FRYL: variants seen among roughly 807,000 people sequenced by gnomAD.
FRYL encodes the protein FRY like transcription coactivator.
In FRYL, 150 loss-of-function variants were observed where a neutral mutation model predicts 351.2. The observed-to-expected ratio is 0.43, with a 90% CI of 0.37 to 0.49. The LOEUF is 0.49. FRYL is among the 20% of genes least tolerant of loss of function. FRYL has a pLI of 0.00. For missense variants in FRYL, 3,036 were observed against 3,619.3 expected (o/e 0.84, Z 4.13); for synonymous variants, 1,153 against 1,257.1 (o/e 0.92, Z 1.75).
chr4:48,531,055 C>G (rs1280757537), intron 50 of FRYL, 101 bp downstream of exon 50: 38 of 802,052 alleles, frequency 4.7e-5, no homozygotes, highest in Non-Finnish European at 2.1e-6. Flanking sequence ...TTGTCTAACA[C>G]TGGGTATGAG....
intron 3 of FRYL, among the ~76,000 whole-genome samples, chr4:48,651,641 A>G (rs1168867514): frequency 2.6e-5 from 4 of 152,178 alleles, no homozygotes; most frequent in Non-Finnish European, 4.4e-5. Flanking sequence ...TTATACTTCT[A>G]TCTGCCACAG....
chr4:48,556,929 T>C, intron 35 of FRYL, 49 bp downstream of exon 35: 1 of 1,439,540 alleles, frequency 6.9e-7, no homozygotes, highest in Middle Eastern at 1.9e-4. Context: ...CACAAGATAC[T>C]AGTAAATATA....
intron 41 of FRYL, 200 bp from the exon 42 acceptor site, chr4:48,546,471 C>T: frequency 1.7e-6 from 1 of 582,450 alleles, no homozygotes; most frequent in Admixed American, 3.0e-5. Context: ...CATTGTTTCA[C>T]AGCTTGAAAA....
chr4:48,692,943 T>C (rs1765807691), intron 2 of FRYL, among the ~76,000 whole-genome samples: 1 of 152,230 alleles, frequency 6.6e-6, no homozygotes, highest in African/African-American at 2.4e-5. Context: ...ATTGGCAATC[T>C]TTGTACACAT....
chr4:48,681,114 T>C, intron 3 of FRYL: 1 of 1,244,848 alleles, frequency 8.0e-7, no homozygotes, highest in Non-Finnish European at 1.0e-6. Context: ...CAACTCTCTT[T>C]AAAAAATCCA....
chr4:48,524,266 C>G (rs1264124364), intron 53 of FRYL, among the ~76,000 whole-genome samples: 1 of 151,714 alleles, frequency 6.6e-6, no homozygotes, highest in East Asian at 1.9e-4. Flanking sequence ...AAAACCAGAG[C>G]TGCTCTGGTT....
chr4:48,599,702 C>G (rs1200552360), intron 13 of FRYL, among the ~76,000 whole-genome samples: 2 of 152,172 alleles, frequency 1.3e-5, no homozygotes, highest in African/African-American at 4.8e-5. Context: ...GCTCCCGAAA[C>G]ACGGGTTACT....
At position 48,510,964 on chromosome 4, in the gene FRYL, T is replaced by G; in HGVS notation, c.8166A>C (p.Gly2722=). Residue 2722 remains glycine, a synonymous_variant, in exon 58 of 64, where the codon GGA becomes GGC. Transcript: ENST00000358350. Reference sequence around the variant, plus strand: ...AGCTGACTGCCTCATTAGTTATTTCTCCAAACTTTCTTTGAATTGTCTATG... The same window carrying G: ...AGCTGACTGCCTCATTAGTTATTTCGCCAAACTTTCTTTGAATTGTCTATG... ...RLFQTIQRKF[G]EITNEAVSFL... The G allele has an allele frequency of 6.2e-7, 1 of 1,611,740 alleles. No homozygotes were observed. Among genetic ancestry groups the G allele is most frequent in the Non-Finnish European group, 8.5e-7 (1 of 1,179,032 alleles).
chr4:48,575,828 G>A (rs1739483456), intron 24 of FRYL, among the ~76,000 whole-genome samples: 1 of 152,130 alleles, frequency 6.6e-6, no homozygotes, highest in African/African-American at 2.4e-5. Flanking sequence ...TCTTTCCAAT[G>A]GAAAACTATG....
At position 48,540,526 on chromosome 4, in the gene FRYL, C is replaced by G; in HGVS notation, c.6122G>C (p.Arg2041Pro). 6.2e-7 allele frequency: 1 copy of G among 1,613,980 alleles called. No individual in the cohort carries two copies. Among genetic ancestry groups the G allele is most frequent in the Non-Finnish European group, 8.5e-7 (1 of 1,179,936 alleles). The change falls in exon 46 of 64, where the codon CGA becomes CCA. Residue 2041 changes from arginine (R) to proline (P), a missense_variant. By Grantham distance (103) the Arg-to-Pro change is moderately radical. This residue lies in a region of FRYL where 1,987 missense variants were observed against 2,311.7 expected (regional missense o/e 0.86). Coordinates refer to ENST00000358350, the MANE Select transcript of FRYL (RefSeq NM_015030.2). ...IHLPLDKSES[R>P]EKIENVQSKL... The stretch of plus-strand genomic sequence containing the variant: ...GCTTTGTACATTTTCAATCTTCTCT[C>G]GACTCTCTGATTTATCCAAAGGCAA...
At chr4:48,673,074 A>T (rs1762981809) in intron 3 of FRYL, among the ~76,000 whole-genome samples, 1 of 152,232 alleles carries the variant, frequency 6.6e-6, no homozygotes, top group Non-Finnish European at 1.5e-5. Context: ...GGAGAGGTAT[A>T]CCAGTATACG....
rs748008804 is a variant in FRYL, at chr4:48,705,184, G to GC, written c.-204+5334dup. 8.2e-4 allele frequency among the ~76,000 whole-genome samples: 125 copies of GC among 151,966 alleles called. 1 individual carries two copies. Among genetic ancestry groups the GC allele is most frequent in the Middle Eastern group, 6.8e-3 (2 of 294 alleles). On this transcript the variant is annotated intron_variant, in intron 2 of 63. Transcript: ENST00000358350. The stretch of plus-strand genomic sequence containing the variant: ...CCTGCAATTCCACTTCTAAGAACCT[G>GC]CCCCAAACACAGTGGAAAGATATAA...
Position 48,606,479 on chromosome 4 carries a change from A to T in FRYL, c.700T>A (p.Tyr234Asn). 1 of 1,612,174 alleles carries T rather than the reference A, an allele frequency of 6.2e-7. No individual in the cohort carries two copies. The highest frequency in any genetic ancestry group is 8.5e-7 in the Non-Finnish European group (1 of 1,178,512). ...GATGCTTCAAAATCTTCTACAGGAT[A>T]CATTTTTACTCGAAAAAATTTCATT... ...MGMKFFRVKMYPVEDFEASFQ... is the reference protein window; with the variant it reads ...MGMKFFRVKMNPVEDFEASFQ... The change falls in exon 10 of 64, where the codon TAT (tyrosine) becomes AAT (asparagine). Residue 234 changes from tyrosine (Y) to asparagine (N), a missense_variant. This residue lies in a region of FRYL where 457 missense variants were observed against 566.6 expected (regional missense o/e 0.81). Coordinates refer to ENST00000358350, the MANE Select transcript of FRYL (RefSeq NM_015030.2).
At chr4:48,656,499 TTATATATAA>T (rs1176726606) in intron 3 of FRYL, among the ~76,000 whole-genome samples, 2 of 127,654 alleles carry the variant, frequency 1.6e-5, no homozygotes, top group Non-Finnish European at 3.1e-5. Context: ...CATATATGCA[TTATATATAA>T]TGTATATAGT....
chr4:48,747,745 G>A (rs181823600), intron 1 of FRYL, among the ~76,000 whole-genome samples: 8 of 152,128 alleles, frequency 5.3e-5, no homozygotes, highest in African/African-American at 1.2e-4. Flanking sequence ...AAAACAAAAC[G>A]GTGAAATTGT....
In FRYL at chr4:48,522,943, T is replaced by C. The variant is rs757716602; in HGVS notation, c.7479A>G (p.Glu2493=). 6.2e-7 allele frequency: 1 copy of C among 1,614,062 alleles called. No homozygotes were observed. Among genetic ancestry groups the C allele is most frequent in the Non-Finnish European group, 8.5e-7 (1 of 1,179,942 alleles). ...GTATCTGGCTTGCTGTAAGTGCCGC[T>C]TCTTCTTCCGAGGACTCATCTGTAT... ...QEDTDESSEE[E]AALTASQILS... Residue 2493 remains glutamate, a synonymous_variant, in exon 54 of 64, where the codon GAA becomes GAG. Transcript: ENST00000358350.
intron 47 of FRYL, among the ~76,000 whole-genome samples, chr4:48,537,041 G>C (rs1729046050): frequency 1.3e-5 from 2 of 151,738 alleles, no homozygotes; most frequent in African/African-American, 4.8e-5. Flanking sequence ...ACAGACACCA[G>C]AAAGAAAAAG....
At chr4:48,655,539 G>A (rs1758663085) in intron 3 of FRYL, among the ~76,000 whole-genome samples, 1 of 151,312 alleles carries the variant, frequency 6.6e-6, no homozygotes, top group Non-Finnish European at 1.5e-5. Flanking sequence ...AAATTTTTCT[G>A]ATTAATTTAT....
chr4:48,675,967 C>A (rs1490528567), intron 3 of FRYL, among the ~76,000 whole-genome samples: 1 of 152,188 alleles, frequency 6.6e-6, no homozygotes, highest in South Asian at 2.1e-4. Flanking sequence ...GTATATCTAG[C>A]TGCTCTGGTG....
Sources: allele counts gnomAD v4.1 joint callset (sites outside exome capture counted in the v4.1 genomes callset), GRCh38; gene constraint gnomAD v4.1.1; regional missense constraint gnomAD v4.1.1; transcripts MANE v1.5; gene names NCBI Gene and HGNC (gene_info 2026-07-23, HGNC 2026-07-21).